CAMK2D: variants seen among roughly 807,000 people sequenced by gnomAD.
CAMK2D encodes the protein calcium/calmodulin dependent protein kinase II delta.
A neutral mutation model predicts 84.0 loss-of-function variants in CAMK2D; 37 were observed. The observed-to-expected ratio is 0.44, with a 90% CI of 0.34 to 0.58. The LOEUF (loss-of-function observed/expected upper bound fraction) is 0.58, where lower values mean the gene tolerates loss of function less well. CAMK2D is among the 20% of genes least tolerant of loss of function. CAMK2D has a pLI of 0.02. For missense variants in CAMK2D, 448 were observed against 652.5 expected (o/e 0.69, Z 3.41); for synonymous variants, 202 against 212.5 (o/e 0.95, Z 0.43).
At chr4:113,705,720 C>T (rs2099449542) in intron 2 of CAMK2D, among the ~76,000 whole-genome samples, 2 of 152,216 alleles carry the variant, frequency 1.3e-5, no homozygotes, top group Admixed American at 6.5e-5. Context: ...TCTCCTTAGA[C>T]TGGAGACTGT....
At position 113,732,490 on chromosome 4, in the gene CAMK2D, T is replaced by C. The variant is rs17046454; in HGVS notation, c.160+26830A>G. ...ACAGCAGTGGTGTTTCTAATATTAT[T>C]GGTTGAGCTGTTATGAATTCAGTAA... On this transcript the variant is annotated intron_variant, in intron 2 of 20. Transcript: ENST00000511664. Among the ~76,000 whole-genome samples the C allele has an allele frequency of 6.9e-3, 1,044 of 152,296 alleles. 17 individuals carry two copies. The highest frequency in any genetic ancestry group is 0.023 in the African/African-American group (973 of 41,550).
chr4:113,614,632 A>T (rs1358440296), intron 3 of CAMK2D, among the ~76,000 whole-genome samples: 1 of 152,178 alleles, frequency 6.6e-6, no homozygotes. Context: ...AAACTGCATG[A>T]ATGACCTCAG....
intron 2 of CAMK2D, among the ~76,000 whole-genome samples, chr4:113,699,850 A>G (rs1324096888): frequency 6.6e-6 from 1 of 152,208 alleles, no homozygotes; most frequent in Non-Finnish European, 1.5e-5. Flanking sequence ...TGAGCAAAAG[A>G]CAGTCATTCT....
At chr4:113,459,296 G>A (rs1422495716) in intron 18 of CAMK2D, among the ~76,000 whole-genome samples, 1 of 152,096 alleles carries the variant, frequency 6.6e-6, no homozygotes, top group Non-Finnish European at 1.5e-5. Context: ...ATAGCTCACT[G>A]CAGCCTCAAT....
intron 2 of CAMK2D, among the ~76,000 whole-genome samples, chr4:113,672,248 G>A (rs1311219438): frequency 6.6e-6 from 1 of 152,112 alleles, no homozygotes; most frequent in Non-Finnish European, 1.5e-5. Flanking sequence ...ATAGTAAAAT[G>A]ATCACTAAGT....
chr4:113,742,964 G>A (rs2099596310), intron 2 of CAMK2D, among the ~76,000 whole-genome samples: 1 of 152,148 alleles, frequency 6.6e-6, no homozygotes, highest in South Asian at 2.1e-4. Flanking sequence ...CTTAGTTTAT[G>A]CAGAAAAATG....
intron 6 of CAMK2D, among the ~76,000 whole-genome samples, chr4:113,546,041 C>T (rs1474578077): frequency 6.6e-6 from 1 of 152,072 alleles, no homozygotes; most frequent in Non-Finnish European, 1.5e-5. Context: ...TCCTGTATTA[C>T]GATTCCACAA....
intron 2 of CAMK2D, among the ~76,000 whole-genome samples, chr4:113,752,383 G>C (rs1198418299): frequency 6.6e-6 from 1 of 151,960 alleles, no homozygotes; most frequent in Non-Finnish European, 1.5e-5. Flanking sequence ...TATACTACTT[G>C]CTGCACCTAA....
chr4:113,674,152 C>A (rs1252575970), intron 2 of CAMK2D, among the ~76,000 whole-genome samples: 1 of 152,062 alleles, frequency 6.6e-6, no homozygotes, highest in East Asian at 1.9e-4. Flanking sequence ...TATACTAAAG[C>A]AGTTGTTAAA....
intron 5 of CAMK2D, among the ~76,000 whole-genome samples, chr4:113,551,551 C>A (rs769747264): frequency 7.9e-5 from 12 of 152,132 alleles, no homozygotes; most frequent in Non-Finnish European, 1.6e-4. Context: ...TATATCTGGT[C>A]TGGCCAATTG....
At chr4:113,628,823 T>A (rs1301987137) in intron 3 of CAMK2D, among the ~76,000 whole-genome samples, 1 of 151,960 alleles carries the variant, frequency 6.6e-6, no homozygotes, top group East Asian at 1.9e-4. Context: ...ATTTTTAATA[T>A]CTCCTAAACA....
intron 4 of CAMK2D, among the ~76,000 whole-genome samples, chr4:113,602,627 C>T (rs566183927): frequency 6.6e-6 from 1 of 152,318 alleles, no homozygotes; most frequent in African/African-American, 2.4e-5. Context: ...ATACAATTTG[C>T]TGTTCCTATA....
intron 4 of CAMK2D, among the ~76,000 whole-genome samples, chr4:113,581,127 A>C (rs1297879484): frequency 6.6e-6 from 1 of 152,204 alleles, no homozygotes; most frequent in Non-Finnish European, 1.5e-5. Flanking sequence ...ATTTTCTCAC[A>C]AACAGAATAA....
intron 2 of CAMK2D, among the ~76,000 whole-genome samples, chr4:113,714,404 GC>G (rs1300909963): frequency 6.6e-6 from 1 of 151,788 alleles, no homozygotes; most frequent in Non-Finnish European, 1.5e-5. Flanking sequence ...GCTATTTTTG[GC>G]CCTTATTATT....
At chr4:113,599,118 AC>A (rs1225180442) in intron 4 of CAMK2D, among the ~76,000 whole-genome samples, 28 of 152,196 alleles carry the variant, frequency 1.8e-4, no homozygotes, top group African/African-American at 5.3e-4. Context: ...ATATCACTAC[AC>A]ACCTATTAAA....
At position 113,537,383 on chromosome 4, in the gene CAMK2D, C is replaced by G; in HGVS notation, c.475G>C (p.Gly159Arg). ...KGAAVKLADF[G>R]LAIEVQGDQQ... Reference sequence around the variant, plus strand: ...TCCCCTTGAACTTCTATGGCTAAGCCAAAGTCTGCCAATTTCACAGCTGCT... The same window carrying G: ...TCCCCTTGAACTTCTATGGCTAAGCGAAAGTCTGCCAATTTCACAGCTGCT... Residue 159 changes from glycine (G) to arginine (R), a missense_variant, in exon 7 of 21, where the codon GGC becomes CGC. Physicochemically the swap from Gly to Arg is moderately radical, Grantham distance 125. Around this residue, in one of 7 missense-constraint regions of CAMK2D, gnomAD observed 60 missense variants for 70.0 expected, o/e 0.86. Coordinates refer to ENST00000511664, the MANE Select transcript of CAMK2D (RefSeq NM_001321571.2). 6.2e-7 allele frequency: 1 copy of G among 1,613,130 alleles called. No individual in the cohort carries two copies. Among genetic ancestry groups the G allele is most frequent in the Non-Finnish European group, 8.5e-7 (1 of 1,179,256 alleles).
rs141782745 is a variant in CAMK2D at position 113,627,725 on chromosome 4, T to C, written c.221-18519A>G. ...AAAAGCACCAAAACATGGCATTACA[T>C]AGATGGTGAAAAGGGCATTTGCTTA... On this transcript the variant is annotated intron_variant, in intron 3 of 20. Coordinates refer to ENST00000511664, the MANE Select transcript of CAMK2D (RefSeq NM_001321571.2). Among the ~76,000 whole-genome samples the C allele has an allele frequency of 7.2e-4, 110 of 152,230 alleles. No individual in the cohort carries two copies. The East Asian group carries it at 0.017, about 24-fold the overall frequency.
intron 20 of CAMK2D, among the ~76,000 whole-genome samples, chr4:113,455,312 A>T (rs1178956541): frequency 6.6e-6 from 1 of 152,196 alleles, no homozygotes; most frequent in African/African-American, 2.4e-5. Flanking sequence ...TGATTTACAC[A>T]TTCGCCATAG....
intron 8 of CAMK2D, among the ~76,000 whole-genome samples, chr4:113,519,082 T>C (rs550261400): frequency 1.3e-5 from 2 of 152,264 alleles, no homozygotes; most frequent in South Asian, 4.2e-4. Context: ...GTGTTTCTCT[T>C]TGTGTTCTCA....
Sources: gnomAD v4.1 joint callset for allele counts (sites outside exome capture counted in the v4.1 genomes callset) on GRCh38, gnomAD v4.1.1 for gene constraint, gnomAD v4.1.1 regional missense constraint, MANE v1.5 for transcripts, NCBI Gene and HGNC (gene_info 2026-07-23, HGNC 2026-07-21) for gene names.